The following CHID1 variants were observed in gnomAD, a reference collection of about 807,000 sequenced individuals.
CHID1 encodes chitinase domain containing 1.
In CHID1, 44 loss-of-function variants were observed where a neutral mutation model predicts 55.4. The ratio of observed to expected loss-of-function variants is 0.79; its 90% CI spans 0.62 to 1.02. The LOEUF (loss-of-function observed/expected upper bound fraction) is 1.02, where lower values mean the gene tolerates loss of function less well. CHID1 is among the 50% of genes least tolerant of loss of function. CHID1 has a pLI of 0.00. For missense variants in CHID1, 491 were observed against 515.3 expected (o/e 0.95, Z 0.46); for synonymous variants, 216 against 212.9 (o/e 1.01, Z -0.13).
chr11:903,211 G>A, intron 2 of CHID1, 100 bp from the exon 3 acceptor site: 1 of 1,246,944 alleles, frequency 8.0e-7, no homozygotes, highest in South Asian at 1.4e-5. Context: ...CAGCAGCCGA[G>A]TCTCTGGATC....
chr11:884,501 C>G (rs1850251635), intron 8 of CHID1, among the ~76,000 whole-genome samples: 2 of 152,120 alleles, frequency 1.3e-5, no homozygotes, highest in Non-Finnish European at 2.9e-5. Context: ...TGGGCCACTC[C>G]CAAGAGCTGG....
intron 7 of CHID1, among the ~76,000 whole-genome samples, chr11:897,537 G>A (rs943302141): frequency 6.6e-6 from 1 of 152,222 alleles, no homozygotes; most frequent in African/African-American, 2.4e-5. Context: ...CCCCAAGGCA[G>A]GGCCTGGGAT....
rs896799057 is a variant in CHID1, at chr11:880,141, G to A, written c.959+3007C>T. On this transcript the variant is annotated intron_variant, in intron 10 of 12. Coordinates refer to ENST00000323578, the MANE Select transcript of CHID1 (RefSeq NM_023947.4). ...GTGCCCCATCTCAGCAGGAACAGGG[G>A]ACCCAAACGAGCCAGGGGCCCTGGG... is the stretch of plus-strand genomic sequence containing the variant. Among the ~76,000 whole-genome samples the A allele has an allele frequency of 2.0e-5, 3 of 152,250 alleles. No individual in the cohort carries two copies. In the East Asian group the frequency reaches 5.8e-4, roughly 29 times the overall value.
chr11:898,550 G>A (rs1851560866), intron 7 of CHID1, among the ~76,000 whole-genome samples: 1 of 152,254 alleles, frequency 6.6e-6, no homozygotes, highest in South Asian at 2.1e-4. Context: ...CTGGGGAGCA[G>A]TACTGTCCCC....
Position 903,089 on chromosome 11 carries a change from A to C in CHID1, c.134T>G (p.Val45Gly), listed in dbSNP as rs1359316325. The C allele has an allele frequency of 2.5e-6, 4 of 1,612,254 alleles. No individual in the cohort carries two copies. In the Admixed American group the frequency reaches 6.7e-5, roughly 27 times the overall value. Residue 45 changes from valine (V) to glycine (G), a missense_variant, in exon 3 of 13, where the codon GTG (valine) becomes GGG (glycine). Val to Gly is a moderately radical substitution (Grantham distance 109). Coordinates refer to ENST00000323578, the MANE Select transcript of CHID1 (RefSeq NM_023947.4). ...CGTCACCACCAAACCCCGGTCTTGC[A>C]CCGGCTTATCTGAAAACTGACTCTG... ...LEKSQFSDKPVQDRGLVVTDL... is the reference protein window; with the variant it reads ...LEKSQFSDKPGQDRGLVVTDL...
chr11:901,019 C>A, intron 4 of CHID1, 39 bp from the exon 5 acceptor site: 3 of 1,562,076 alleles, frequency 1.9e-6, no homozygotes, highest in Non-Finnish European at 2.6e-6. Flanking sequence ...CAGGCACGTG[C>A]GCCCAACTGG....
At chr11:888,064 T>A (rs1850528000) in intron 8 of CHID1, among the ~76,000 whole-genome samples, 1 of 152,234 alleles carries the variant, frequency 6.6e-6, no homozygotes, top group South Asian at 2.1e-4. Flanking sequence ...CGCCCCTCAG[T>A]GCAGCATGCT....
At position 870,183 on chromosome 11, in the gene CHID1, T is replaced by G; in HGVS notation, c.1041-20A>C. On this transcript the variant is annotated intron_variant, in intron 11 of 12. Coordinates refer to ENST00000323578, the MANE Select transcript of CHID1 (RefSeq NM_023947.4). ...CGGCTCCTGCAAGACAAAGGGACTG[T>G]CAGCCCATCCGCTCTGCTGGTTCCA... 6.2e-7 allele frequency: 1 copy of G among 1,613,100 alleles called. No homozygotes were observed. The highest frequency in any genetic ancestry group is 8.5e-7 in the Non-Finnish European group (1 of 1,179,942).
At chr11:873,655 T>C (rs1849318677) in intron 10 of CHID1, among the ~76,000 whole-genome samples, 1 of 151,772 alleles carries the variant, frequency 6.6e-6, no homozygotes, top group African/African-American at 2.4e-5. Flanking sequence ...CACAGAAACA[T>C]CCAGAACAGA....
At chr11:901,911 C>A (rs1023198211) in intron 4 of CHID1, among the ~76,000 whole-genome samples, 1 of 109,832 alleles carries the variant, frequency 9.1e-6, no homozygotes, top group South Asian at 3.8e-4. Context: ...GGGGTGAGGG[C>A]GTGGTTCTCA....
At chr11:872,891 G>A (rs1849267363) in intron 10 of CHID1, among the ~76,000 whole-genome samples, 3 of 152,204 alleles carry the variant, frequency 2.0e-5, no homozygotes, top group African/African-American at 4.8e-5. Context: ...AAAATCTGCT[G>A]CCTCCAGGAG....
chr11:881,094 A>C (rs1264556762), intron 10 of CHID1, among the ~76,000 whole-genome samples: 1 of 152,118 alleles, frequency 6.6e-6, no homozygotes, highest in Non-Finnish European at 1.5e-5. Context: ...CAATCTGCAA[A>C]AGTTTAGTAG....
chr11:870,119 A>G lies in CHID1; in HGVS notation c.1083+2T>C. On this transcript the variant is annotated splice_donor_variant, in intron 12 of 12. Coordinates refer to ENST00000323578, the MANE Select transcript of CHID1 (RefSeq NM_023947.4). LOFTEE classifies it high-confidence loss of function. ...CGGTCCCACGGCTGGCAGCACACGC[A>G]CCTTCAGGGTTGGGTAGAAGACGAC... The G allele has an allele frequency of 6.2e-7, 1 of 1,612,724 alleles. No homozygotes were observed. Among genetic ancestry groups the G allele is most frequent in the East Asian group, 2.2e-5 (1 of 44,872 alleles).
At chr11:876,008 G>A (rs757775520) in intron 10 of CHID1, among the ~76,000 whole-genome samples, 18 of 152,120 alleles carry the variant, frequency 1.2e-4, no homozygotes, top group Non-Finnish European at 2.4e-4. Flanking sequence ...GTGAGGCTGG[G>A]GGCTGTCTGC....
At position 870,467 on chromosome 11, in the gene CHID1, C is replaced by A. The variant is rs1127800; in HGVS notation, c.992G>T (p.Arg331Leu). 5 of 1,611,512 alleles carry A rather than the reference C, an allele frequency of 3.1e-6. No individual in the cohort carries two copies. The highest frequency in any genetic ancestry group is 1.7e-6 in the Non-Finnish European group (2 of 1,178,880). The part of the protein sequence containing the change: ...YIQTLKDHRP[R>L]MVWDSQASEH... ...TGAGGCCTGGCTGTCCCACACCATC[C>A]GGGGCCTGTGGTCCTTCAGTGTCTG... Residue 331 changes from arginine to leucine, a missense_variant, in exon 11 of 13, where the codon CGG becomes CTG. By Grantham distance (102) the Arg-to-Leu change is moderately radical. Transcript: ENST00000323578.
chr11:883,753 C>T (rs1850177320), intron 9 of CHID1, among the ~76,000 whole-genome samples: 2 of 152,254 alleles, frequency 1.3e-5, no homozygotes, highest in Non-Finnish European at 2.9e-5. Context: ...CTGTGTCACA[C>T]GGCCCTCCCA....
chr11:890,787 G>A (rs1216038006), intron 8 of CHID1, among the ~76,000 whole-genome samples: 2 of 152,206 alleles, frequency 1.3e-5, no homozygotes, highest in Non-Finnish European at 2.9e-5. Context: ...GGTCCGCAGA[G>A]TGCTCAGTTC....
intron 2 of CHID1, among the ~76,000 whole-genome samples, chr11:904,211 T>C (rs542113230): frequency 1.4e-4 from 21 of 152,262 alleles, no homozygotes; most frequent in African/African-American, 4.6e-4. Flanking sequence ...CAGGACTAGG[T>C]CACAGTTACA....
chr11:892,771 T>C (rs1281158214), intron 8 of CHID1, among the ~76,000 whole-genome samples: 1 of 152,180 alleles, frequency 6.6e-6, no homozygotes. Flanking sequence ...GAAAAGTCGG[T>C]TGACTGTGCA....
Sources: allele counts gnomAD v4.1 joint callset (sites outside exome capture counted in the v4.1 genomes callset), GRCh38; gene constraint gnomAD v4.1.1; transcripts MANE v1.5; gene names NCBI Gene and HGNC (gene_info 2026-07-23, HGNC 2026-07-21).